The following ARHGEF2 variants were observed in gnomAD, a reference collection of about 807,000 sequenced individuals.
ARHGEF2 encodes the protein rho guanine nucleotide exchange factor 2.
In ARHGEF2, 22 loss-of-function variants were observed where a neutral mutation model predicts 121.0. That is an observed-to-expected ratio of 0.18 (90% CI 0.13 to 0.26). The LOEUF is 0.26. ARHGEF2 is among the 10% of genes least tolerant of loss of function. The probability of loss-of-function intolerance (pLI) is 1.00; values close to 1 mark genes in which losing one functional copy is unlikely to be tolerated. For synonymous variants in ARHGEF2, 487 were observed against 530.0 expected, an observed-to-expected ratio of 0.92 and a Z score of 1.11; for missense variants, 907 against 1,336.0, an observed-to-expected ratio of 0.68 and a Z score of 5.01.
chr1:155,957,181 CAT>C (rs935515358), intron 13 of ARHGEF2, among the ~76,000 whole-genome samples: 102 of 152,280 alleles, frequency 6.7e-4, no homozygotes, highest in African/African-American at 2.2e-3. Context: ...CAATTAGACA[CAT>C]AGTTGACTGC....
chr1:155,978,789 G>T, upstream of ARHGEF2: 1 of 912,702 alleles, frequency 1.1e-6, no homozygotes, highest in Non-Finnish European at 1.3e-6. The surrounding 1 kb of genome is among the most constrained non-coding windows in gnomAD (Gnocchi z 4.1). Context: ...CCGCCTCTTA[G>T]CTCTTCTTTT....
intron 21 of ARHGEF2, among the ~76,000 whole-genome samples, chr1:155,948,879 A>C (rs958239758): frequency 2.0e-5 from 3 of 152,118 alleles, no homozygotes; most frequent in Non-Finnish European, 4.4e-5. Flanking sequence ...GCTGGGCTCA[A>C]GTGATCCTCT....
chr1:155,954,567 C>G (rs1169178148), intron 14 of ARHGEF2, among the ~76,000 whole-genome samples: 1 of 147,184 alleles, frequency 6.8e-6, no homozygotes, highest in African/African-American at 2.5e-5. Context: ...GGATTACAGG[C>G]GTGAGCCACC....
upstream of ARHGEF2, chr1:155,978,597 C>G (rs1572221734): frequency 1.0e-5 from 13 of 1,262,750 alleles, no homozygotes; most frequent in Non-Finnish European, 1.3e-5. The surrounding 1 kb of genome is among the most constrained non-coding windows in gnomAD (Gnocchi z 4.1). Context: ...TCTCCTCCCC[C>G]GCCCAAGCTC....
chr1:155,960,402 G>A (rs1292901645), intron 11 of ARHGEF2, among the ~76,000 whole-genome samples: 2 of 151,612 alleles, frequency 1.3e-5, no homozygotes, highest in African/African-American at 4.8e-5. Context: ...CCAGGAGTTT[G>A]AGTTACAGTG....
rs962691063 is a variant in ARHGEF2 at position 155,962,403 on chromosome 1, G to C, written c.1102-181C>G. On this transcript the variant is annotated intron_variant, in intron 9 of 21. Coordinates refer to ENST00000361247, the MANE Select transcript of ARHGEF2 (RefSeq NM_001162383.2). The surrounding 1 kb of genome is among the most constrained non-coding windows in gnomAD (Gnocchi z 5.8). ...TGAGGACCAACTGAAGGAGCAAAAAGTACTTGGGAAACTACCACAACGTGC... is the reference window on the plus strand; with the variant it reads ...TGAGGACCAACTGAAGGAGCAAAAACTACTTGGGAAACTACCACAACGTGC... 5 of 1,049,046 alleles carry C rather than the reference G, an allele frequency of 4.8e-6. No homozygotes were observed. Among genetic ancestry groups the C allele is most frequent in the African/African-American group, 4.8e-5 (3 of 62,950 alleles). 65.0% of individuals were successfully genotyped at this position (1,049,046 alleles called of 1,614,324 possible). A position where few individuals can be genotyped will look rare whatever the true frequency, so the allele number is the denominator to read the frequency against.
rs916191441 is a variant in ARHGEF2, at chr1:155,963,158, A to G, written c.750T>C (p.His250=). The G allele has an allele frequency of 6.2e-7, 1 of 1,612,048 alleles. No individual in the cohort carries two copies. The highest frequency in any genetic ancestry group is 8.5e-7 in the Non-Finnish European group (1 of 1,179,864). The change falls in exon 8 of 22, where the codon CAT becomes CAC. Residue 250 remains histidine (H), a synonymous_variant. Coordinates refer to ENST00000361247, the MANE Select transcript of ARHGEF2 (RefSeq NM_001162383.2). ...GGGTCATGATCTTCAGTGTCCTCACATGGTGCAGCTCTGTCTGGATTAGCT... is the reference window on the plus strand; with the variant it reads ...GGGTCATGATCTTCAGTGTCCTCACGTGGTGCAGCTCTGTCTGGATTAGCT... The part of the protein sequence containing the change: ...IYELIQTELH[H]VRTLKIMTRL...
chr1:155,964,164 AAAAATATATATATAT>A (rs1678693972), intron 7 of ARHGEF2, among the ~76,000 whole-genome samples: 1 of 89,562 alleles, frequency 1.1e-5, no homozygotes, highest in African/African-American at 6.7e-5. Context: ...AAAAAAAAAA[AAAAATATATATATAT>A]ATATATATAT....
At chr1:155,967,605 A>G (rs764266910) in intron 2 of ARHGEF2, among the ~76,000 whole-genome samples, 1 of 152,074 alleles carries the variant, frequency 6.6e-6, no homozygotes, top group Non-Finnish European at 1.5e-5. Flanking sequence ...GCAACTCCCC[A>G]CCAAGCCTGG....
At chr1:155,969,935 G>T in intron 1 of ARHGEF2, 1 of 985,404 alleles carries the variant, frequency 1.0e-6, no homozygotes, top group Non-Finnish European at 1.2e-6. Flanking sequence ...CGGCACACAG[G>T]GCCTGTCTGG....
At chr1:155,967,480 G>C (rs890877204) in intron 2 of ARHGEF2, among the ~76,000 whole-genome samples, 8 of 152,084 alleles carry the variant, frequency 5.3e-5, no homozygotes, top group Non-Finnish European at 1.0e-4. Flanking sequence ...TTTACACTCC[G>C]GTGGGCCTGA....
upstream of ARHGEF2, chr1:155,979,407 G>T: frequency 1.2e-6 from 1 of 854,250 alleles, no homozygotes; most frequent in Non-Finnish European, 1.4e-6. Flanking sequence ...GGGTAAGGTG[G>T]GGCATTCATC....
Position 155,947,797 on chromosome 1 carries a change from C to A in ARHGEF2, c.*145G>T. The A allele has an allele frequency of 1.7e-6, 1 of 588,276 alleles. No homozygotes were observed. Among genetic ancestry groups the A allele is most frequent in the South Asian group, 2.4e-5 (1 of 42,406 alleles). The allele number at this position is 588,276 out of a possible 1,614,324, so 36.4% of individuals were successfully genotyped here. On this transcript the variant is annotated 3_prime_UTR_variant, in exon 22 of 22. Transcript: ENST00000361247. ...ATTCCCCTAGCTTCTTAAATGGCCCCAGGTATCCAAGGATCCCAAGAGCTG... is the reference window on the plus strand; with the variant it reads ...ATTCCCCTAGCTTCTTAAATGGCCCAAGGTATCCAAGGATCCCAAGAGCTG...
rs961185145 is a variant in ARHGEF2 at position 155,951,228 on chromosome 1, A to C, written c.2304T>G (p.Pro768=). The C allele has an allele frequency of 6.2e-7, 1 of 1,611,232 alleles. No homozygotes were observed. The highest frequency in any genetic ancestry group is 8.5e-7 in the Non-Finnish European group (1 of 1,178,894). ...GCTTCTCCCGCCGCTCAGGGCCCTC[A>C]GGGAACCGGGCTTCCATCAGAGTGT... is the stretch of plus-strand genomic sequence containing the variant. ...QQDTLMEARF[P]EGPERREKLC... The change falls in exon 20 of 22, where the codon CCT becomes CCG. Residue 768 remains proline, a synonymous_variant. Transcript: ENST00000361247. This position sits in a 1 kb window ranked among gnomAD's most constrained non-coding sequence, Gnocchi z 5.1.
At chr1:155,971,157 T>A (rs11264426) in intron 1 of ARHGEF2, 4 of 972,000 alleles carry the variant, frequency 4.1e-6, no homozygotes, top group African/African-American at 1.8e-5. Context: ...CTCTAGCCTC[T>A]AACTCAAACC....
rs1219655386 is a variant in ARHGEF2, at chr1:155,962,662, G to T, written c.1032C>A (p.Arg344=). Residue 344 remains arginine (R), a synonymous_variant, in exon 9 of 22, where the codon CGC becomes CGA. Coordinates refer to ENST00000361247, the MANE Select transcript of ARHGEF2 (RefSeq NM_001162383.2). This position sits in a 1 kb window ranked among gnomAD's most constrained non-coding sequence, Gnocchi z 5.8. ...MCKTYSEFCS[R]HSKALKLYKE... ...TATAGAGCTTTAAGGCCTTGCTGTG[G>T]CGGCTGCAGAACTCCGAGTAGGTCT... 1 of 1,614,160 alleles carries T rather than the reference G, an allele frequency of 6.2e-7. No homozygotes were observed. Among genetic ancestry groups the T allele is most frequent in the Admixed American group, 1.7e-5 (1 of 60,032 alleles).
At chr1:155,959,882 C>A (rs12091361) in intron 11 of ARHGEF2, among the ~76,000 whole-genome samples, 39,609 of 152,058 alleles carry the variant, frequency 0.26, 6,123 homozygotes, top group East Asian at 0.78. Context: ...AATTCCATTT[C>A]TAATATCTAA....
chr1:155,973,620 C>A (rs1017463509), intron 1 of ARHGEF2, among the ~76,000 whole-genome samples: 11 of 152,028 alleles, frequency 7.2e-5, no homozygotes, highest in Non-Finnish European at 1.5e-4. Flanking sequence ...GTGGTGGGCA[C>A]CTGTAATCCC....
Position 155,953,215 on chromosome 1 carries a change from G to A in ARHGEF2, c.1784-387C>T, listed in dbSNP as rs192464778. On this transcript the variant is annotated intron_variant, in intron 14 of 21. Coordinates refer to ENST00000361247, the MANE Select transcript of ARHGEF2 (RefSeq NM_001162383.2). ...AGGAGGCAGAGGTTGCAGTGAGGCC[G>A]AGATCACACCACTGCACTCCAGCCT... Among the ~76,000 whole-genome samples the A allele has an allele frequency of 1.7e-3, 250 of 144,836 alleles. 1 individual carries two copies. Among genetic ancestry groups the A allele is most frequent in the African/African-American group, 6.1e-3 (241 of 39,210 alleles).
Sources: allele counts gnomAD v4.1 joint callset (sites outside exome capture counted in the v4.1 genomes callset), GRCh38; gene constraint gnomAD v4.1.1; non-coding constraint Gnocchi (gnomAD v3.1); transcripts MANE v1.5; gene names NCBI Gene and HGNC (gene_info 2026-07-23, HGNC 2026-07-21).